FER: variants seen among roughly 807,000 people sequenced by gnomAD.
FER encodes FER tyrosine kinase.
FER carries 63 observed loss-of-function variants against 111.0 expected under a neutral mutation model. The observed-to-expected ratio is 0.57, with a 90% CI of 0.46 to 0.70. FER has a LOEUF of 0.70. Ranked by LOEUF, FER falls within the 30% of genes least tolerant of loss-of-function variation. The probability of loss-of-function intolerance (pLI) is 0.00; values close to 1 mark genes in which losing one functional copy is unlikely to be tolerated. For synonymous variants in FER, 327 were observed against 313.9 expected (o/e 1.04, Z -0.44); for missense variants, 914 against 954.0 (o/e 0.96, Z 0.55).
intron 13 of FER, among the ~76,000 whole-genome samples, chr5:109,036,617 C>A (rs1347216265): frequency 6.6e-6 from 1 of 152,020 alleles, no homozygotes; most frequent in South Asian, 2.1e-4. Flanking sequence ...ACTCTTCCTT[C>A]CTACTCCCCT....
intron 1 of FER, among the ~76,000 whole-genome samples, chr5:108,757,945 TCTGG>T (rs1472722396): frequency 5.9e-5 from 9 of 152,198 alleles, no homozygotes; most frequent in Non-Finnish European, 1.3e-4. Context: ...TTACCCTGTG[TCTGG>T]AACTGGCATT....
At chr5:108,756,320 G>T (rs1751107714) in intron 1 of FER, among the ~76,000 whole-genome samples, 1 of 151,836 alleles carries the variant, frequency 6.6e-6, no homozygotes, top group East Asian at 1.9e-4. Context: ...TAGAAACTTT[G>T]CTTTACTAGG....
chr5:108,859,030 G>A (rs1317797581), intron 5 of FER, among the ~76,000 whole-genome samples: 3 of 151,794 alleles, frequency 2.0e-5, no homozygotes, highest in African/African-American at 7.3e-5. Context: ...GTGATGGCTG[G>A]GTTAAAAGGT....
intron 3 of FER, among the ~76,000 whole-genome samples, chr5:108,801,083 G>A (rs550350659): frequency 4.4e-4 from 67 of 152,276 alleles, no homozygotes; most frequent in African/African-American, 1.6e-3. Flanking sequence ...AAGTTAAAGA[G>A]TTTTGCCTGT....
At chr5:109,032,548 T>G (rs985083204) in intron 13 of FER, among the ~76,000 whole-genome samples, 3 of 152,184 alleles carry the variant, frequency 2.0e-5, no homozygotes, top group African/African-American at 7.2e-5. Flanking sequence ...GACAGTCAGC[T>G]ACCTCACATC....
chr5:108,854,636 T>C (rs1762825916), intron 5 of FER, among the ~76,000 whole-genome samples: 1 of 152,102 alleles, frequency 6.6e-6, no homozygotes, highest in South Asian at 2.1e-4. Context: ...AAATCTACCA[T>C]ATATTGAAAG....
intron 13 of FER, among the ~76,000 whole-genome samples, chr5:109,018,868 A>G (rs1223604191): frequency 2.6e-5 from 4 of 151,624 alleles, no homozygotes; most frequent in Non-Finnish European, 5.9e-5. Context: ...TTGGACAAAT[A>G]GTAGAGGGAA....
intron 13 of FER, among the ~76,000 whole-genome samples, chr5:108,996,653 G>C (rs1174359605): frequency 6.6e-6 from 1 of 152,154 alleles, no homozygotes; most frequent in Admixed American, 6.5e-5. Context: ...ATGCTGTTTT[G>C]GTTACTGTAG....
At chr5:109,011,884 T>C (rs78135469) in intron 13 of FER, among the ~76,000 whole-genome samples, 1,600 of 152,334 alleles carry the variant, frequency 0.011, 24 homozygotes, top group African/African-American at 0.036. Context: ...CTAATTCCAA[T>C]TGATCCTTTC....
chr5:109,130,443 A>T (rs1027480418), intron 17 of FER, among the ~76,000 whole-genome samples: 2 of 152,116 alleles, frequency 1.3e-5, no homozygotes, highest in African/African-American at 4.8e-5. Flanking sequence ...TGTCCAAGAT[A>T]TGTAGTATGA....
intron 17 of FER, among the ~76,000 whole-genome samples, chr5:109,164,792 T>C (rs1289600134): frequency 6.6e-6 from 1 of 152,150 alleles, no homozygotes; most frequent in Admixed American, 6.6e-5. Context: ...CTTATTTTCA[T>C]GTATGTGAAC....
chr5:109,019,770 TAC>T (rs1767685452), intron 13 of FER, among the ~76,000 whole-genome samples: 1 of 151,872 alleles, frequency 6.6e-6, no homozygotes, highest in African/African-American at 2.4e-5. Flanking sequence ...AGAAGTGAGT[TAC>T]ACACCTGACA....
intron 17 of FER, among the ~76,000 whole-genome samples, chr5:109,168,161 G>A (rs1478198509): frequency 6.6e-6 from 1 of 152,166 alleles, no homozygotes; most frequent in Non-Finnish European, 1.5e-5. Flanking sequence ...ATGAATTCTA[G>A]TAATGTCCCG....
chr5:108,771,719 G>C (rs9326747), intron 2 of FER, among the ~76,000 whole-genome samples: 68,421 of 151,934 alleles, frequency 0.45, 17,732 homozygotes, highest in African/African-American at 0.72. Context: ...CATTTTCTTT[G>C]TTCACATATT....
At chr5:108,866,715 G>T (rs1047918302) in intron 5 of FER, among the ~76,000 whole-genome samples, 1 of 151,950 alleles carries the variant, frequency 6.6e-6, no homozygotes, top group Non-Finnish European at 1.5e-5. Flanking sequence ...CTGGGGAGAG[G>T]ATTTATTTGG....
At chr5:109,076,783 T>A (rs1217975998) in intron 16 of FER, among the ~76,000 whole-genome samples, 5 of 152,196 alleles carry the variant, frequency 3.3e-5, no homozygotes, top group African/African-American at 1.2e-4. Context: ...TTCCCTGTAA[T>A]AGCAATAACA....
chr5:108,967,224 A>T (rs969657195), intron 13 of FER, among the ~76,000 whole-genome samples: 2 of 152,260 alleles, frequency 1.3e-5, no homozygotes, highest in Admixed American at 1.3e-4. Flanking sequence ...AAGAATAAGG[A>T]TACACTGACA....
At chr5:108,828,983 C>T (rs1377607006) in intron 3 of FER, among the ~76,000 whole-genome samples, 2 of 152,118 alleles carry the variant, frequency 1.3e-5, no homozygotes, top group Non-Finnish European at 2.9e-5. Context: ...ATCCTAATAA[C>T]AATTTATCTA....
chr5:109,112,265 C>G (rs772807633), intron 17 of FER, among the ~76,000 whole-genome samples: 12 of 151,508 alleles, frequency 7.9e-5, no homozygotes, highest in Non-Finnish European at 1.6e-4. Context: ...AGTTAGATAC[C>G]AAGGTATATT....
Sources: gnomAD v4.1 joint callset for allele counts (sites outside exome capture counted in the v4.1 genomes callset) on GRCh38, gnomAD v4.1.1 for gene constraint, MANE v1.5 for transcripts, NCBI Gene and HGNC (gene_info 2026-07-23, HGNC 2026-07-21) for gene names.